OSBPL6: variants seen among roughly 807,000 people sequenced by gnomAD.
OSBPL6 encodes oxysterol binding protein like 6, also known as oxysterol-binding protein-related protein 6.
A neutral mutation model predicts 125.8 loss-of-function variants in OSBPL6; 49 were observed. That is an observed-to-expected ratio of 0.39 (90% CI 0.31 to 0.49). OSBPL6 has a LOEUF of 0.49. Among genes scored for constraint, OSBPL6 ranks in the 20% least tolerant of loss-of-function variants. The probability of loss-of-function intolerance (pLI) is 0.88; values close to 1 mark genes in which losing one functional copy is unlikely to be tolerated. For missense variants in OSBPL6, 986 were observed against 1,135.4 expected (o/e 0.87, Z 1.89); for synonymous variants, 394 against 391.8 (o/e 1.01, Z -0.07).
intron 11 of OSBPL6, chr2:178,344,279 C>T: frequency 1.9e-6 from 3 of 1,613,644 alleles, no homozygotes; most frequent in Non-Finnish European, 2.5e-6. Context: ...CTCCCATTCA[C>T]CGTCAGGAAG....
chr2:178,341,062 A>G (rs1690148783), intron 11 of OSBPL6, among the ~76,000 whole-genome samples: 1 of 152,224 alleles, frequency 6.6e-6, no homozygotes, highest in Non-Finnish European at 1.5e-5. Flanking sequence ...TGGCAGTTTT[A>G]TTGTTTTTGA....
chr2:178,239,590 T>A (rs545277113), intron 1 of OSBPL6, among the ~76,000 whole-genome samples: 2 of 140,174 alleles, frequency 1.4e-5, no homozygotes, highest in Admixed American at 1.5e-4. Context: ...TAATGAACTT[T>A]ATTTTATTTA....
rs533461287 is a variant in OSBPL6 at position 178,292,536 on chromosome 2, A to G, written c.-156+7415A>G. 5.9e-5 allele frequency among the ~76,000 whole-genome samples: 9 copies of G among 152,328 alleles called. No individual in the cohort carries two copies. The South Asian group carries it at 1.9e-3, about 32-fold the overall frequency. On this transcript the variant is annotated intron_variant, in intron 2 of 24. Transcript: ENST00000190611. ...TAGTTATTTAAAGGTTTAACGTTTT[A>G]GAACTAAGAGTCATCTAAATAGATG...
At chr2:178,288,700 A>G (rs561599744) in intron 2 of OSBPL6, among the ~76,000 whole-genome samples, 15 of 151,460 alleles carry the variant, frequency 9.9e-5, no homozygotes, top group African/African-American at 2.9e-4. Context: ...CTAGGCTGGA[A>G]TGCAGTGGCG....
intron 1 of OSBPL6, among the ~76,000 whole-genome samples, chr2:178,243,022 T>C (rs958034757): frequency 5.3e-5 from 8 of 151,980 alleles, no homozygotes; most frequent in African/African-American, 1.4e-4. Flanking sequence ...TTTATAAATA[T>C]ATCATTTATA....
intron 13 of OSBPL6, 97 bp from the exon 14 acceptor site, chr2:178,372,029 T>C: frequency 2.3e-6 from 2 of 877,018 alleles, no homozygotes; most frequent in Non-Finnish European, 1.8e-6. Flanking sequence ...GCTAAGAACA[T>C]CACAGACATT....
At position 178,392,461 on chromosome 2, in the gene OSBPL6, T is replaced by A. The variant is rs775754441; in HGVS notation, c.2496T>A (p.Ala832=). 6.2e-7 allele frequency: 1 copy of A among 1,614,132 alleles called. No homozygotes were observed. The highest frequency in any genetic ancestry group is 2.2e-5 in the East Asian group (1 of 44,878). The part of the protein sequence containing the change: ...YELYYGFTRF[A]IELNELDPVL... ...TGTACTATGGCTTCACAAGGTTTGC[T>A]ATTGAGCTCAATGAGTTAGATCCAG... The change falls in exon 23 of 25, where the codon GCT becomes GCA. Residue 832 remains alanine, a synonymous_variant. Transcript: ENST00000190611.
chr2:178,358,809 C>A, intron 12 of OSBPL6, among the ~76,000 whole-genome samples: 1 of 151,784 alleles, frequency 6.6e-6, no homozygotes, highest in East Asian at 1.9e-4. Flanking sequence ...TTCTGCACAG[C>A]AAAGAAAACA....
intron 1 of OSBPL6, among the ~76,000 whole-genome samples, chr2:178,254,268 C>G (rs913227936): frequency 2.6e-5 from 4 of 151,980 alleles, no homozygotes; most frequent in Non-Finnish European, 4.4e-5. Flanking sequence ...TGGTAGGCAC[C>G]TGTAATCCCA....
intron 2 of OSBPL6, 43 bp downstream of exon 2, chr2:178,285,164 G>A: frequency 2.5e-6 from 1 of 397,906 alleles, no homozygotes; most frequent in Non-Finnish European, 4.4e-6. Flanking sequence ...AGCAGGGTTA[G>A]GTTAGGCAGC....
chr2:178,326,891 A>G (rs12474919), intron 4 of OSBPL6, among the ~76,000 whole-genome samples: 26,009 of 152,080 alleles, frequency 0.17, 2,540 homozygotes, highest in Admixed American at 0.31. Context: ...TTGCCTTTCT[A>G]TCTTATCTCT....
At position 178,328,303 on chromosome 2, in the gene OSBPL6, C is replaced by G. The variant is rs1688877406; in HGVS notation, c.243C>G (p.Thr81=). ...TAGAAGGGCTGAAAATAGGCCAAAC[C>G]AATGTCCAGAAACCAGACAAACATG... ...EIIEGLKIGQ[T]NVQKPDKHEG... Residue 81 remains threonine (T), a synonymous_variant, in exon 5 of 25, where the codon ACC becomes ACG. Transcript: ENST00000190611. The G allele has an allele frequency of 1.9e-6, 3 of 1,613,760 alleles. No individual in the cohort carries two copies. The highest frequency in any genetic ancestry group is 2.5e-6 in the Non-Finnish European group (3 of 1,179,868).
intron 1 of OSBPL6, among the ~76,000 whole-genome samples, chr2:178,204,169 G>A (rs140698402): frequency 6.6e-6 from 1 of 152,054 alleles, no homozygotes; most frequent in Admixed American, 6.5e-5. Flanking sequence ...GACTACGGGT[G>A]CATGCCACCA....
intron 1 of OSBPL6, among the ~76,000 whole-genome samples, chr2:178,240,365 C>T (rs566846104): frequency 1.4e-4 from 22 of 151,978 alleles, no homozygotes; most frequent in East Asian, 1.2e-3. Context: ...GTCAGGAGTT[C>T]GACACCAGCT....
chr2:178,300,330 T>C (rs1686164567), intron 2 of OSBPL6, among the ~76,000 whole-genome samples: 1 of 152,236 alleles, frequency 6.6e-6, no homozygotes, highest in Non-Finnish European at 1.5e-5. Context: ...ATTCCTTTGC[T>C]TGGGACTGTG....
At chr2:178,350,242 C>T (rs1359856415) in intron 12 of OSBPL6, among the ~76,000 whole-genome samples, 1 of 152,160 alleles carries the variant, frequency 6.6e-6, no homozygotes, top group African/African-American at 2.4e-5. Flanking sequence ...AGTAGATGGA[C>T]TGAGCAGTCC....
chr2:178,381,586 C>T (rs1228788128), intron 15 of OSBPL6, among the ~76,000 whole-genome samples: 6 of 152,182 alleles, frequency 3.9e-5, no homozygotes, highest in Non-Finnish European at 8.8e-5. Flanking sequence ...ATCTCCTCAC[C>T]TTGTGATCTG....
At chr2:178,305,846 CTT>C (rs11476329) in intron 2 of OSBPL6, among the ~76,000 whole-genome samples, 182 bp from the exon 3 acceptor site, 16,050 of 140,182 alleles carry the variant, frequency 0.11, 1,078 homozygotes, top group African/African-American at 0.2. Context: ...GTTAACAGTC[CTT>C]TTTTTTTTTT....
intron 21 of OSBPL6, 115 bp from the exon 22 acceptor site, chr2:178,390,958 C>A: frequency 7.4e-7 from 1 of 1,347,864 alleles, no homozygotes; most frequent in Admixed American, 2.3e-5. Context: ...TTCTGTATTT[C>A]TGAAAATGGT....
Sources: allele counts gnomAD v4.1 joint callset (sites outside exome capture counted in the v4.1 genomes callset), GRCh38; gene constraint gnomAD v4.1.1; transcripts MANE v1.5; gene names NCBI Gene and HGNC (gene_info 2026-07-23, HGNC 2026-07-21).